Variants in ALG1 observed in about 807,000 individuals in gnomAD.
ALG1 encodes the protein chitobiosyldiphosphodolichol beta-mannosyltransferase.
ALG1 carries 58 observed loss-of-function variants against 55.1 expected under a neutral mutation model. The ratio of observed to expected loss-of-function variants is 1.05; its 90% confidence interval spans 0.85 to 1.31. ALG1 has a LOEUF of 1.31. Among genes scored for constraint, ALG1 ranks in the 50% most tolerant of loss-of-function variants. The pLI is 0.00. For missense variants in ALG1, 761 were observed against 598.6 expected, an observed-to-expected ratio of 1.27 and a Z score of -2.83; for synonymous variants, 309 against 247.0, an observed-to-expected ratio of 1.25 and a Z score of -2.35.
At chr16:5,081,095 G>GGGT in intron 10 of ALG1, 39 bp downstream of exon 10, 3 of 467,430 alleles carry the variant, frequency 6.4e-6, no homozygotes, top group East Asian at 6.0e-5. Context: ...GAGGCGGGGG[G>GGGT]AACAGGGTGG....
chr16:5,075,505 C>T lies in ALG1; in HGVS notation c.508C>T (p.Pro170Ser), dbSNP rs1956895006. The change falls in exon 4 of 13, where the codon CCC becomes TCC. Residue 170 changes from proline (P) to serine (S), a missense_variant. By Grantham distance (74) the Pro-to-Ser change is moderately conservative. Coordinates refer to ENST00000262374, the MANE Select transcript of ALG1 (RefSeq NM_019109.5). ...CTCCATCATGGGTCTGGTGCATGGC[C>T]CCAACCATCCCCTCGTTCTGCTGGC... ...GYSIMGLVHGPNHPLVLLAKW... is the reference protein window; with the variant it reads ...GYSIMGLVHGSNHPLVLLAKW... 1.2e-6 allele frequency: 2 copies of T among 1,613,988 alleles called. No individual in the cohort carries two copies. Among genetic ancestry groups the T allele is most frequent in the Admixed American group, 1.7e-5 (1 of 59,986 alleles).
chr16:5,080,069 G>A (rs1325671387), intron 9 of ALG1, among the ~76,000 whole-genome samples: 3 of 142,790 alleles, frequency 2.1e-5, no homozygotes, highest in Admixed American at 7.6e-5. Context: ...TACGTCATTG[G>A]TGTCTTTTTT....
Position 5,078,012 on chromosome 16 carries a change from G to T in ALG1, c.735G>T (p.Arg245Ser). Residue 245 changes from arginine (R) to serine (S), a missense_variant, in exon 6 of 13, where the codon AGG (arginine) becomes AGT (serine). Physicochemically the swap from Arg to Ser is moderately radical, Grantham distance 110 (BLOSUM62 -1). Transcript: ENST00000262374. ...MKLGSMHSPF[R>S]ARSEPEDPVT... Reference sequence around the variant, plus strand: ...TGGGCAGCATGCACTCTCCGTTCAGGGCCCGGTAGGCCTCCCATCCTCAGC... The same window carrying T: ...TGGGCAGCATGCACTCTCCGTTCAGTGCCCGGTAGGCCTCCCATCCTCAGC... 6.3e-7 allele frequency: 1 copy of T among 1,598,408 alleles called. No homozygotes were observed. Among genetic ancestry groups the T allele is most frequent in the Non-Finnish European group, 8.5e-7 (1 of 1,179,780 alleles).
At chr16:5,084,307 G>A in intron 12 of ALG1, 1 of 349,290 alleles carries the variant, frequency 2.9e-6, no homozygotes, top group East Asian at 7.0e-5. Context: ...GTGTGGCTTT[G>A]TTCCAATAAA....
intron 10 of ALG1, among the ~76,000 whole-genome samples, chr16:5,082,193 C>T (rs1957027471): frequency 6.6e-6 from 1 of 152,190 alleles, no homozygotes. Context: ...GATCTGCCCG[C>T]CTTGGCCTCC....
At chr16:5,073,918 T>C (rs1956864270) in intron 3 of ALG1, among the ~76,000 whole-genome samples, 1 of 152,198 alleles carries the variant, frequency 6.6e-6, no homozygotes, top group South Asian at 2.1e-4. Context: ...TTACGCCATG[T>C]TGGCCAGGCT....
At chr16:5,078,472 G>A in intron 6 of ALG1, 3 of 651,504 alleles carry the variant, frequency 4.6e-6, no homozygotes, top group Non-Finnish European at 8.4e-6. Context: ...TGGTGTGGGA[G>A]GGCGTCCCTG....
chr16:5,083,296 C>T (rs1402685266), intron 11 of ALG1, among the ~76,000 whole-genome samples: 1 of 152,160 alleles, frequency 6.6e-6, no homozygotes, highest in African/African-American at 2.4e-5. Flanking sequence ...CAGGGAATGT[C>T]GGGATCAAAC....
intron 10 of ALG1, 97 bp from the exon 11 acceptor site, chr16:5,082,462 T>G (rs1957032127): frequency 7.4e-7 from 1 of 1,354,112 alleles, no homozygotes; most frequent in Non-Finnish European, 1.0e-6. Context: ...CTTATCTGAT[T>G]TTCACTCTCC....
chr16:5,086,334 C>CAA lies in ALG1; in HGVS notation c.*1470_*1471dup. On this transcript the variant is annotated 3_prime_UTR_variant, in exon 13 of 13. Transcript: ENST00000262374. The stretch of plus-strand genomic sequence containing the variant: ...TGAGTGACAGGGTGAGACTAAGTCT[C>CAA]AAAAAAAAAAAAAAAAAACCACACG... Among the ~76,000 whole-genome samples, 2 of 128,298 alleles carry CAA rather than the reference C, an allele frequency of 1.6e-5. 1 individual carries two copies. Among genetic ancestry groups the CAA allele is most frequent in the Non-Finnish European group, 3.3e-5 (2 of 60,528 alleles). The allele number at this position is 128,298 out of a possible 152,430, so 84.2% of individuals were successfully genotyped here. A position where few individuals can be genotyped will look rare whatever the true frequency, so the allele number is the denominator to read the frequency against.
chr16:5,077,820 G>T (rs947034731), intron 5 of ALG1, 87 bp from the exon 6 acceptor site: 56 of 1,264,234 alleles, frequency 4.4e-5, no homozygotes, highest in Non-Finnish European at 6.2e-5. Flanking sequence ...TTCCCCAAGC[G>T]TCCTTCTTTT....
intron 4 of ALG1, 40 bp from the exon 5 acceptor site, chr16:5,077,405 C>T: frequency 6.4e-7 from 1 of 1,558,138 alleles, no homozygotes; most frequent in African/African-American, 1.4e-5. Flanking sequence ...GTAGCGGAGG[C>T]CTGTCTAGGG....
intron 4 of ALG1, among the ~76,000 whole-genome samples, chr16:5,076,853 G>C (rs1199666645): frequency 6.9e-6 from 1 of 144,432 alleles, no homozygotes; most frequent in Non-Finnish European, 1.5e-5. Context: ...GGAGTGCAAT[G>C]GCGCCATCTC....
chr16:5,072,652 C>G (rs975460481), intron 1 of ALG1, among the ~76,000 whole-genome samples: 10 of 152,124 alleles, frequency 6.6e-5, no homozygotes, highest in African/African-American at 2.2e-4. Context: ...AGGGATGGCT[C>G]TGTGGTGGGA....
chr16:5,082,117 T>C (rs1445174891), intron 10 of ALG1, among the ~76,000 whole-genome samples: 1 of 148,940 alleles, frequency 6.7e-6, no homozygotes, highest in Non-Finnish European at 1.5e-5. Context: ...TAATTTTGTA[T>C]TTTTTTTAGT....
intron 1 of ALG1, 171 bp downstream of exon 1, chr16:5,072,228 A>G: frequency 2.6e-6 from 4 of 1,516,278 alleles, no homozygotes; most frequent in Non-Finnish European, 3.5e-6. Context: ...GTCTCTAGGT[A>G]TAGCCGGCGT....
intron 12 of ALG1, 62 bp downstream of exon 12, chr16:5,083,819 C>T (rs1957061823): frequency 2.0e-5 from 32 of 1,596,190 alleles, no homozygotes; most frequent in Admixed American, 3.3e-5. Context: ...CCGAGCCAGG[C>T]TCCCTGATCC....
rs150272167 is a variant in ALG1 at position 5,079,792 on chromosome 16, G to C, written c.946G>C (p.Val316Leu). Residue 316 changes from valine (V) to leucine (L), a missense_variant, in exon 9 of 13, where the codon GTC becomes CTC. By Grantham distance (32) the Val-to-Leu change is conservative. Transcript: ENST00000262374. The part of the protein sequence containing the change: ...TLDGHNLPSL[V>L]CVITGKGPLR... Reference sequence around the variant, plus strand: ...TGATGGACACAACCTTCCTTCTCTCGTCTGTGTGATAACAGGTACTGCCTG... The same window carrying C: ...TGATGGACACAACCTTCCTTCTCTCCTCTGTGTGATAACAGGTACTGCCTG... The C allele has an allele frequency of 1.2e-6, 2 of 1,611,530 alleles. No individual in the cohort carries two copies. Among genetic ancestry groups the C allele is most frequent in the African/African-American group, 2.7e-5 (2 of 74,732 alleles).
At chr16:5,079,207 G>C in intron 8 of ALG1, 105 bp downstream of exon 8, 1 of 1,436,122 alleles carries the variant, frequency 7.0e-7, no homozygotes, top group Admixed American at 1.9e-5. Flanking sequence ...CCACTGGGTG[G>C]GGCAGCCTGG....
Sources: allele counts gnomAD v4.1 joint callset (sites outside exome capture counted in the v4.1 genomes callset), GRCh38; gene constraint gnomAD v4.1.1; transcripts MANE v1.5; gene names NCBI Gene and HGNC (gene_info 2026-07-23, HGNC 2026-07-21).